The following WDR27 variants were observed in gnomAD, a reference collection of about 807,000 sequenced individuals.
WDR27 encodes WD repeat-containing protein 27.
A neutral mutation model predicts 114.4 loss-of-function variants in WDR27; 100 were observed. That is an observed-to-expected ratio of 0.87 (90% CI 0.74 to 1.03). The LOEUF (loss-of-function observed/expected upper bound fraction) is 1.03. Ranked by LOEUF, WDR27 falls within the 50% of genes least tolerant of loss-of-function variation. The probability of loss-of-function intolerance (pLI) is 0.00; values close to 1 mark genes in which losing one functional copy is unlikely to be tolerated. For missense variants in WDR27, 1,129 were observed against 1,092.9 expected (o/e 1.03, Z -0.47); for synonymous variants, 449 against 423.1 (o/e 1.06, Z -0.75).
At chr6:169,665,158 C>T (rs548866154) in intron 7 of WDR27, 3 of 1,059,844 alleles carry the variant, frequency 2.8e-6, no homozygotes, top group African/African-American at 1.7e-5. Flanking sequence ...GGGCAGCACC[C>T]GTGGGAGCGG....
intron 6 of WDR27, 193 bp downstream of exon 6, chr6:169,666,943 A>G: frequency 2.0e-6 from 2 of 985,414 alleles, no homozygotes; most frequent in Non-Finnish European, 2.4e-6. Context: ...ATTTTAAGTG[A>G]AAAACATCAA....
chr6:169,699,904 C>T (rs1181829385), intron 1 of WDR27, among the ~76,000 whole-genome samples: 1 of 152,030 alleles, frequency 6.6e-6, no homozygotes, highest in Non-Finnish European at 1.5e-5. Flanking sequence ...ATCGTTTGAG[C>T]CACGGAGGTT....
chr6:169,505,475 CTTAGGGAAACAGGGACT>C (rs1791885931), intron 25 of WDR27, among the ~76,000 whole-genome samples: 2 of 56,694 alleles, frequency 3.5e-5, no homozygotes, highest in Non-Finnish European at 1.8e-4. Flanking sequence ...CTTCTCTATA[CTTAGGGAAACAGGGACT>C]CATAATTTGA....
chr6:169,661,418 A>G (rs949289805), intron 9 of WDR27, among the ~76,000 whole-genome samples: 2 of 152,154 alleles, frequency 1.3e-5, no homozygotes, highest in Non-Finnish European at 2.9e-5. Flanking sequence ...AGCCATCTCC[A>G]GGGAGGCTGG....
chr6:169,570,248 C>G (rs922607695), intron 25 of WDR27, among the ~76,000 whole-genome samples: 2 of 152,192 alleles, frequency 1.3e-5, no homozygotes, highest in Non-Finnish European at 2.9e-5. Flanking sequence ...ACCTGGGTAG[C>G]TGACAACTTA....
chr6:169,487,398 G>A (rs956659136), intron 25 of WDR27, among the ~76,000 whole-genome samples: 9 of 152,148 alleles, frequency 5.9e-5, no homozygotes, highest in Non-Finnish European at 8.8e-5. Flanking sequence ...CTGGGGAGAA[G>A]GCCGTTTGCA....
intron 21 of WDR27, among the ~76,000 whole-genome samples, chr6:169,621,543 T>G (rs1247283716): frequency 7.1e-6 from 1 of 140,500 alleles, no homozygotes; most frequent in Non-Finnish European, 1.5e-5. Context: ...CACGCACGCA[T>G]ATACATACAC....
intron 1 of WDR27, among the ~76,000 whole-genome samples, chr6:169,697,048 C>T (rs1028350980): frequency 5.9e-5 from 9 of 152,266 alleles, no homozygotes; most frequent in Middle Eastern, 3.4e-3. Context: ...ACCGAGGACA[C>T]GAGCTGTTCC....
At chr6:169,499,142 T>C (rs1790783080) in intron 25 of WDR27, among the ~76,000 whole-genome samples, 1 of 152,248 alleles carries the variant, frequency 6.6e-6, no homozygotes, top group Admixed American at 6.5e-5. Flanking sequence ...CTCAGCAGGC[T>C]GCACATCTCA....
chr6:169,620,196 C>T (rs1812772262), intron 21 of WDR27, among the ~76,000 whole-genome samples: 1 of 152,106 alleles, frequency 6.6e-6, no homozygotes, highest in Non-Finnish European at 1.5e-5. Context: ...TCCAGATGTC[C>T]ATCAGGAATG....
intron 21 of WDR27, among the ~76,000 whole-genome samples, chr6:169,632,189 CAAAAAAAAAAAA>C (rs1012298678): frequency 3.1e-5 from 2 of 63,900 alleles, no homozygotes; most frequent in African/African-American, 1.1e-4. Context: ...GACTCTGTCT[CAAAAAAAAAAAA>C]AAAAAAAAGA....
intron 25 of WDR27, among the ~76,000 whole-genome samples, chr6:169,513,468 G>C (rs1793176561): frequency 6.6e-6 from 1 of 152,074 alleles, no homozygotes; most frequent in South Asian, 2.1e-4. Flanking sequence ...TCTAGATTCA[G>C]AGCCCCAGTG....
chr6:169,618,649 A>AAT (rs11454603), intron 21 of WDR27, among the ~76,000 whole-genome samples: 1 of 150,516 alleles, frequency 6.6e-6, no homozygotes, highest in African/African-American at 2.5e-5. Flanking sequence ...AAAAAAAAAA[A>AAT]CATTATTGAT....
Position 169,498,390 on chromosome 6 carries a change from T to C in WDR27, c.2646-40756A>G, listed in dbSNP as rs376560846. 5.3e-5 allele frequency among the ~76,000 whole-genome samples: 8 copies of C among 152,248 alleles called. No individual in the cohort carries two copies. The East Asian group carries it at 1.5e-3, about 29-fold the overall frequency. On this transcript the variant is annotated intron_variant, in intron 25 of 25. Coordinates refer to ENST00000448612, the MANE Select transcript of WDR27 (RefSeq NM_182552.5). Reference sequence around the variant, plus strand: ...GGTGGTGATACACTAACATGATGAATGCACTCAATATTGCTAAACTATGCA... The same window carrying C: ...GGTGGTGATACACTAACATGATGAACGCACTCAATATTGCTAAACTATGCA...
At chr6:169,445,717 G>A in the WDR27 span, among the ~76,000 whole-genome samples, 7 of 152,246 alleles carry the variant, frequency 4.6e-5, no homozygotes, top group African/African-American at 1.2e-4. Context: ...TGCTTCAGCC[G>A]CCAGCACTGC....
In WDR27 at chr6:169,668,106, G is replaced by A; in HGVS notation, c.536C>T (p.Thr179Ile). The A allele has an allele frequency of 6.2e-7, 1 of 1,614,058 alleles. No homozygotes were observed. Residue 179 changes from threonine to isoleucine, a missense_variant, in exon 5 of 26, where the codon ACA becomes ATA. Transcript: ENST00000448612. ...HKVPPPTFLH[T>I]FSQTQAVRAE... ...CCGAACAGCCTGAGTCTGAGAGAAT[G>A]TGTGCAGGAAGGTCGGTGGTGGGAC...
At chr6:169,454,526 C>T (rs1350188338), downstream of WDR27, among the ~76,000 whole-genome samples, 1 of 152,184 alleles carries the variant, frequency 6.6e-6, no homozygotes, top group East Asian at 1.9e-4. Flanking sequence ...ACACAGTTTT[C>T]TTTAAGCTAA....
chr6:169,442,987 A>G, the WDR27 span, among the ~76,000 whole-genome samples: 1 of 152,240 alleles, frequency 6.6e-6, no homozygotes, highest in African/African-American at 2.4e-5. Context: ...CAGACTACCA[A>G]TGGCAATGAG....
chr6:169,660,154 A>G (rs1369944141), intron 10 of WDR27, among the ~76,000 whole-genome samples: 1 of 72,586 alleles, frequency 1.4e-5, no homozygotes, highest in Non-Finnish European at 2.6e-5. Context: ...GGTGGCATCC[A>G]TGGAGTTAGG....
Sources: allele counts gnomAD v4.1 joint callset (sites outside exome capture counted in the v4.1 genomes callset), GRCh38; gene constraint gnomAD v4.1.1; transcripts MANE v1.5; gene names NCBI Gene and HGNC (gene_info 2026-07-23, HGNC 2026-07-21).